Variants in ARID5B observed in about 807,000 individuals in gnomAD.
ARID5B encodes AT-rich interaction domain 5B.
Under a neutral mutation model 97.2 loss-of-function variants are expected in ARID5B, and 13 were observed. That is an observed-to-expected ratio of 0.13 (90% CI 0.09 to 0.21). The LOEUF (loss-of-function observed/expected upper bound fraction) is 0.21, where lower values mean the gene tolerates loss of function less well. ARID5B is among the 10% of genes least tolerant of loss of function. The probability of loss-of-function intolerance (pLI) is 1.00; values close to 1 mark genes in which losing one functional copy is unlikely to be tolerated. For missense variants in ARID5B, 1,210 were observed against 1,465.3 expected (o/e 0.83, Z 2.84); for synonymous variants, 556 against 570.3 (o/e 0.97, Z 0.36).
intron 3 of ARID5B, among the ~76,000 whole-genome samples, chr10:61,989,283 A>C (rs1212772013): frequency 6.6e-6 from 1 of 152,190 alleles, no homozygotes; most frequent in Non-Finnish European, 1.5e-5. Flanking sequence ...ATACTGGGTT[A>C]GATAAAATAG....
At chr10:62,032,863 AC>A (rs1839514842) in intron 4 of ARID5B, among the ~76,000 whole-genome samples, 1 of 152,122 alleles carries the variant, frequency 6.6e-6, no homozygotes. Flanking sequence ...TAAGTGACCT[AC>A]CCTAACTTCT....
chr10:61,941,513 C>T (rs1769156261), intron 3 of ARID5B, among the ~76,000 whole-genome samples: 1 of 151,474 alleles, frequency 6.6e-6, no homozygotes, highest in Non-Finnish European at 1.5e-5. Context: ...TGACAACTTC[C>T]TGGTTTTTTT....
intron 4 of ARID5B, among the ~76,000 whole-genome samples, chr10:62,043,227 C>CT (rs773338090): frequency 1.3e-5 from 2 of 152,124 alleles, no homozygotes; most frequent in Non-Finnish European, 2.9e-5. Flanking sequence ...GAATTCTCCC[C>CT]TTAGAGAGTC....
chr10:62,025,592 C>T (rs372583327), intron 4 of ARID5B, among the ~76,000 whole-genome samples: 11 of 152,218 alleles, frequency 7.2e-5, no homozygotes, highest in Non-Finnish European at 1.3e-4. Flanking sequence ...AGATGACCTA[C>T]GTTTGTGTGC....
intron 4 of ARID5B, among the ~76,000 whole-genome samples, chr10:62,012,538 T>G (rs983080491): frequency 2.0e-5 from 3 of 152,154 alleles, no homozygotes; most frequent in Middle Eastern, 6.8e-3. Context: ...CTGTCTCTAT[T>G]AAAAAACAAA....
intron 7 of ARID5B, among the ~76,000 whole-genome samples, chr10:62,065,083 G>A (rs978040180): frequency 5.9e-5 from 9 of 152,088 alleles, no homozygotes; most frequent in African/African-American, 7.2e-5. Context: ...CTCTAAAGAC[G>A]GTTTGAAACC....
At chr10:61,942,420 A>T (rs778628675) in intron 3 of ARID5B, among the ~76,000 whole-genome samples, 4 of 152,252 alleles carry the variant, frequency 2.6e-5, no homozygotes, top group Non-Finnish European at 5.9e-5. Context: ...TTTAAAAAAC[A>T]ATACTGATTA....
At chr10:61,925,252 C>T (rs951124317) in intron 2 of ARID5B, among the ~76,000 whole-genome samples, 1 of 151,758 alleles carries the variant, frequency 6.6e-6, no homozygotes, top group Non-Finnish European at 1.5e-5. Context: ...AAGTAATGGT[C>T]GAGTCATTCC....
chr10:62,062,419 A>G (rs12414509), intron 7 of ARID5B, among the ~76,000 whole-genome samples: 15,504 of 152,248 alleles, frequency 0.1, 1,104 homozygotes, highest in East Asian at 0.3. Flanking sequence ...GTGGTGGGGC[A>G]TGGGCCTGAG....
At chr10:62,075,428 T>A (rs1840116679) in intron 8 of ARID5B, among the ~76,000 whole-genome samples, 1 of 152,242 alleles carries the variant, frequency 6.6e-6, no homozygotes, top group Non-Finnish European at 1.5e-5. Flanking sequence ...CAGCCTCTGA[T>A]ACAGCGCCCT....
rs1034545860 is a variant in ARID5B at position 62,096,045 on chromosome 10, A to G, written c.*3015A>G. 4.3e-6 allele frequency: 1 copy of G among 233,196 alleles called. No individual in the cohort carries two copies. The highest frequency in any genetic ancestry group is 2.2e-5 in the African/African-American group (1 of 45,362). The allele number at this position is 233,196 out of a possible 1,614,324, so 14.4% of individuals were successfully genotyped here. On this transcript the variant is annotated 3_prime_UTR_variant, in exon 10 of 10. Transcript: ENST00000279873. ...TGGCAACTCCACATGATAAAAAAAT[A>G]AAAACAGCCCAACCGAGTTTCGGAA... is the stretch of plus-strand genomic sequence containing the variant.
intron 3 of ARID5B, among the ~76,000 whole-genome samples, chr10:61,978,881 G>C (rs1838737926): frequency 6.6e-6 from 1 of 152,200 alleles, no homozygotes; most frequent in African/African-American, 2.4e-5. Flanking sequence ...GCCCTGGCCA[G>C]AACTTCCAAC....
intron 4 of ARID5B, among the ~76,000 whole-genome samples, chr10:62,040,019 C>A (rs1352142079): frequency 6.6e-6 from 1 of 152,226 alleles, no homozygotes; most frequent in Non-Finnish European, 1.5e-5. Context: ...CCATTTTCTC[C>A]TATTCAGTTT....
At chr10:62,071,292 C>T (rs924200704) in intron 8 of ARID5B, among the ~76,000 whole-genome samples, 1 of 152,088 alleles carries the variant, frequency 6.6e-6, no homozygotes, top group African/African-American at 2.4e-5. Flanking sequence ...CTTCGGCCTC[C>T]CAAAGTGCTG....
rs746180814 is a variant in ARID5B, at chr10:62,000,071, G to A, written c.503-20G>A. ...TGTCAGAGGGAAGAGGGTAATGGAA[G>A]TGTTTTCTCGTTTGTCTAGGGGAGG... On this transcript the variant is annotated intron_variant, in intron 3 of 9. Coordinates refer to ENST00000279873, the MANE Select transcript of ARID5B (RefSeq NM_032199.3). The surrounding 1 kb of genome is among the most constrained non-coding windows in gnomAD (Gnocchi z 4.4). The A allele has an allele frequency of 1.2e-6, 2 of 1,609,180 alleles. No homozygotes were observed. Among genetic ancestry groups the A allele is most frequent in the Admixed American group, 1.7e-5 (1 of 59,996 alleles).
chr10:62,000,848 G>C lies in ARID5B; in HGVS notation c.733+527G>C, dbSNP rs960031875. Among the ~76,000 whole-genome samples, 2 of 151,968 alleles carry C rather than the reference G, an allele frequency of 1.3e-5. No homozygotes were observed. The highest frequency in any genetic ancestry group is 2.9e-5 in the Non-Finnish European group (2 of 67,998). On this transcript the variant is annotated intron_variant, in intron 4 of 9. Transcript: ENST00000279873. The surrounding 1 kb of genome is among the most constrained non-coding windows in gnomAD (Gnocchi z 4.4). ...TAGAGAGATGATAGATAGATAGATA[G>C]ATAGATAGATAGATAGATAGATAGA...
At chr10:62,040,327 A>ATGT (rs1287382194) in intron 4 of ARID5B, among the ~76,000 whole-genome samples, 8 of 121,868 alleles carry the variant, frequency 6.6e-5, no homozygotes, top group South Asian at 6.1e-4. Flanking sequence ...ATTTTTAGAT[A>ATGT]CTATTATAAC....
rs1840449633 is a variant in ARID5B at position 62,095,174 on chromosome 10, A to C, written c.*2144A>C. 1 of 232,926 alleles carries C rather than the reference A, an allele frequency of 4.3e-6. No individual in the cohort carries two copies. Among genetic ancestry groups the C allele is most frequent in the Non-Finnish European group, 8.5e-6 (1 of 117,714 alleles). 14.4% of individuals were successfully genotyped at this position (232,926 alleles called of 1,614,324 possible). A position where few individuals can be genotyped will look rare whatever the true frequency, so the allele number is the denominator to read the frequency against. ...TTAGATTATAAATGTGTGAGTGCAG[A>C]TTATCCTGCTATTGCACAAGCTAGA... is the stretch of plus-strand genomic sequence containing the variant. On this transcript the variant is annotated 3_prime_UTR_variant, in exon 10 of 10. Coordinates refer to ENST00000279873, the MANE Select transcript of ARID5B (RefSeq NM_032199.3).
At chr10:62,082,400 C>G (rs1840224863) in intron 8 of ARID5B, among the ~76,000 whole-genome samples, 1 of 152,186 alleles carries the variant, frequency 6.6e-6, no homozygotes, top group African/African-American at 2.4e-5. Flanking sequence ...TTCCCCATTA[C>G]TTCCACCCAC....
Sources: allele counts gnomAD v4.1 joint callset (sites outside exome capture counted in the v4.1 genomes callset), GRCh38; gene constraint gnomAD v4.1.1; non-coding constraint Gnocchi (gnomAD v3.1); transcripts MANE v1.5; gene names NCBI Gene and HGNC (gene_info 2026-07-23, HGNC 2026-07-21).